Variants in ZNF276 observed in about 807,000 individuals in gnomAD.
The protein encoded by ZNF276 is centromere protein Z.
A neutral mutation model predicts 63.9 loss-of-function variants in ZNF276; 59 were observed. The ratio of observed to expected loss-of-function variants is 0.92; its 90% confidence interval spans 0.75 to 1.15. The LOEUF is 1.15. Among genes scored for constraint, ZNF276 ranks in the 50% most tolerant of loss-of-function variants. The pLI is 0.00. For missense variants in ZNF276, 1,084 were observed against 843.8 expected (o/e 1.28, Z -3.53); for synonymous variants, 496 against 348.4 (o/e 1.42, Z -4.72).
Position 89,739,392 on chromosome 16 carries a change from C to G in ZNF276, c.*1146C>G. The G allele has an allele frequency of 6.3e-7, 1 of 1,576,890 alleles. No individual in the cohort carries two copies. Among genetic ancestry groups the G allele is most frequent in the Non-Finnish European group, 8.6e-7 (1 of 1,157,578 alleles). Reference sequence around the variant, plus strand: ...CTGTGGAGCAGAGGCACAGACAACCCTTCCCATCTGGCGGGACCCAGAGGT... The same window carrying G: ...CTGTGGAGCAGAGGCACAGACAACCGTTCCCATCTGGCGGGACCCAGAGGT... On this transcript the variant is annotated 3_prime_UTR_variant, in exon 11 of 11. Transcript: ENST00000443381.
chr16:89,733,655 AAGGACACTTTGACCT>A, intron 8 of ZNF276, 98 bp downstream of exon 8: 3 of 1,404,700 alleles, frequency 2.1e-6, no homozygotes, highest in Non-Finnish European at 3.0e-6. Flanking sequence ...ACTTGCGCCC[AAGGACACTTTGACCT>A]AGGTTAACCG....
intron 5 of ZNF276, among the ~76,000 whole-genome samples, chr16:89,728,653 C>T (rs1239541619): frequency 2.0e-5 from 3 of 152,322 alleles, no homozygotes; most frequent in East Asian, 3.9e-4. Context: ...CCGCCCGCCT[C>T]TGCCTCCCAA....
In ZNF276 at chr16:89,721,853, C is replaced by G. The variant is rs1293418395; in HGVS notation, c.205+8C>G. On this transcript the variant is annotated splice_region_variant and intron_variant, in intron 1 of 10. Coordinates refer to ENST00000443381, the MANE Select transcript of ZNF276 (RefSeq NM_001113525.2). ...ACGGCGCGGACGAGGCAGGTGGGTC[C>G]GCGGCCCGGGCGTGGCGGGTTGGGG... The G allele has an allele frequency of 3.3e-6, 4 of 1,205,872 alleles. No homozygotes were observed. The African/African-American group carries it at 4.7e-5, about 14-fold the overall frequency. 74.7% of individuals were successfully genotyped at this position (1,205,872 alleles called of 1,614,324 possible).
In ZNF276 at chr16:89,723,483, G is replaced by A. The variant is rs1451867202; in HGVS notation, c.780G>A (p.Lys260=). 1.2e-6 allele frequency: 2 copies of A among 1,613,004 alleles called. No individual in the cohort carries two copies. Among genetic ancestry groups the A allele is most frequent in the Non-Finnish European group, 8.5e-7 (1 of 1,180,030 alleles). Reference sequence around the variant, plus strand: ...TGCTGGACAGTGCGCTGGCAGTCAAGTGGCCATGGGACAAAGAGACGGCGC... The same window carrying A: ...TGCTGGACAGTGCGCTGGCAGTCAAATGGCCATGGGACAAAGAGACGGCGC... The part of the protein sequence containing the change: ...AFLLDSALAV[K]WPWDKETAPR... Residue 260 remains lysine, a synonymous_variant, in exon 4 of 11, where the codon AAG becomes AAA. Coordinates refer to ENST00000443381, the MANE Select transcript of ZNF276 (RefSeq NM_001113525.2).
chr16:89,738,225 G>C lies in ZNF276; in HGVS notation c.1824G>C (p.Ala608=). 6.2e-7 allele frequency: 1 copy of C among 1,606,804 alleles called. No homozygotes were observed. The highest frequency in any genetic ancestry group is 8.5e-7 in the Non-Finnish European group (1 of 1,177,206). ...CCTCTGTGACCACAGAGGGCCAGGC[G>C]GTGAAGCCCGAACCCACCTGAGGAC... ...PSPSVTTEGQ[A]VKPEPT is the part of the protein sequence containing the mutation. The change falls in exon 11 of 11, where the codon GCG becomes GCC. Residue 608 remains alanine (A), a synonymous_variant. Coordinates refer to ENST00000443381, the MANE Select transcript of ZNF276 (RefSeq NM_001113525.2).
chr16:89,739,982 C>T lies in ZNF276; in HGVS notation c.*1736C>T, dbSNP rs534548445. On this transcript the variant is annotated 3_prime_UTR_variant, in exon 11 of 11. Transcript: ENST00000443381. ...GCCCTCCGCATTTGTGCCTCAGCAG[C>T]GTGTTTCTTACCACTCTCTGTCAAC... is the stretch of plus-strand genomic sequence containing the variant. The T allele has an allele frequency of 1.2e-5, 19 of 1,613,658 alleles. 1 individual carries two copies. The South Asian group carries it at 1.3e-4, about 11-fold the overall frequency.
Position 89,739,417 on chromosome 16 carries a change from T to C in ZNF276, c.*1171T>C. 1 of 1,554,878 alleles carries C rather than the reference T, an allele frequency of 6.4e-7. No homozygotes were observed. ...CTTCCCATCTGGCGGGACCCAGAGG[T>C]GCTGAGATGGGGGTCTGGGAAACAC... On this transcript the variant is annotated 3_prime_UTR_variant, in exon 11 of 11. Coordinates refer to ENST00000443381, the MANE Select transcript of ZNF276 (RefSeq NM_001113525.2).
In ZNF276 at chr16:89,739,858, A is replaced by C. The variant is rs764519036; in HGVS notation, c.*1612A>C. The C allele has an allele frequency of 7.2e-6, 11 of 1,531,014 alleles. No individual in the cohort carries two copies. In the South Asian group the frequency reaches 1.4e-4, roughly 20 times the overall value. 94.8% of individuals were successfully genotyped at this position (1,531,014 alleles called of 1,614,324 possible). The stretch of plus-strand genomic sequence containing the variant: ...TATTGCTTTAAACAAGTTTGTGCTT[A>C]ATCTGTCCCAACTAAAATGGAGCTT... On this transcript the variant is annotated 3_prime_UTR_variant, in exon 11 of 11. Transcript: ENST00000443381.
At position 89,733,310 on chromosome 16, in the gene ZNF276, G is replaced by T. The variant is rs752357779; in HGVS notation, c.1178G>T (p.Gly393Val). 3 of 1,613,968 alleles carry T rather than the reference G, an allele frequency of 1.9e-6. No individual in the cohort carries two copies. The highest frequency in any genetic ancestry group is 2.5e-6 in the Non-Finnish European group (3 of 1,179,964). ...FEPYPERKVS[G>V]KKSESKEAKK... ...GAACCTCTTTTTTTCAGAGTCTCTG[G>T]TAAGAAGAGTGAAAGCAAAGAAGCC... is the stretch of plus-strand genomic sequence containing the variant. Residue 393 changes from glycine (G) to valine (V), a missense_variant, in exon 7 of 11, where the codon GGT becomes GTT. Transcript: ENST00000443381.
At position 89,740,198 on chromosome 16, in the gene ZNF276, G is replaced by A. The variant is rs2062093959; in HGVS notation, c.*1952G>A. The A allele has an allele frequency of 1.0e-6, 1 of 976,020 alleles. No homozygotes were observed. Among genetic ancestry groups the A allele is most frequent in the Non-Finnish European group, 1.7e-6 (1 of 600,514 alleles). 60.5% of individuals were successfully genotyped at this position (976,020 alleles called of 1,614,324 possible). On this transcript the variant is annotated 3_prime_UTR_variant, in exon 11 of 11. Transcript: ENST00000443381. ...GCACAGAAGAGGGCATTTCCTCTTT[G>A]CTTATTGTAAGTCTTAAAACTGGTG...
At chr16:89,735,813 C>G (rs979400220) in intron 9 of ZNF276, among the ~76,000 whole-genome samples, 1 of 152,036 alleles carries the variant, frequency 6.6e-6, no homozygotes, top group African/African-American at 2.4e-5. Context: ...CTCCCTAGTT[C>G]AAGCAATTCT....
rs745882980 is a variant in ZNF276, at chr16:89,738,944, G to A, written c.*698G>A. On this transcript the variant is annotated 3_prime_UTR_variant, in exon 11 of 11. Transcript: ENST00000443381. ...GGTATTAACTGCAGCAGAAAAAGAC[G>A]AGCTTTTGTTATCAGTTCCACGGGG... is the stretch of plus-strand genomic sequence containing the variant. 8 of 1,614,136 alleles carry A rather than the reference G, an allele frequency of 5.0e-6. No homozygotes were observed. The highest frequency in any genetic ancestry group is 1.7e-5 in the Admixed American group (1 of 60,012).
In ZNF276 at chr16:89,738,884, C is replaced by G; in HGVS notation, c.*638C>G. 6.2e-7 allele frequency: 1 copy of G among 1,614,264 alleles called. No homozygotes were observed. The highest frequency in any genetic ancestry group is 8.5e-7 in the Non-Finnish European group (1 of 1,180,054). ...CAAGGTGGGCATCTTGACGTTACCT[C>G]TGCCACGTGTGAGAAGCTCTTTTTC... On this transcript the variant is annotated 3_prime_UTR_variant, in exon 11 of 11. Transcript: ENST00000443381.
At chr16:89,725,118 G>T (rs8047788) in intron 4 of ZNF276, among the ~76,000 whole-genome samples, 91,006 of 96,650 alleles carry the variant, frequency 0.94, 43,360 homozygotes, top group East Asian at 1. Flanking sequence ...TTCACCATGT[G>T]GGCCAGGCTT....
chr16:89,735,289 T>TC (rs58523711), intron 9 of ZNF276, among the ~76,000 whole-genome samples: 5,202 of 128,230 alleles, frequency 0.041, 246 homozygotes, highest in African/African-American at 0.13. Context: ...TGGTAAGGGG[T>TC]GGGGGGGGGC....
chr16:89,727,247 T>C, intron 4 of ZNF276, 32 bp from the exon 5 acceptor site: 3 of 1,605,180 alleles, frequency 1.9e-6, no homozygotes, highest in South Asian at 2.2e-5. Context: ...TGCTCCGTGT[T>C]GGTAACAGGA....
chr16:89,721,515 C>A, upstream of ZNF276: 2 of 899,256 alleles, frequency 2.2e-6, no homozygotes, highest in Non-Finnish European at 3.1e-6. Context: ...CCTCGCTTTG[C>A]TTCTCGCTCC....
At position 89,738,292 on chromosome 16, in the gene ZNF276, T is replaced by G. The variant is rs56346328; in HGVS notation, c.*46T>G. The G allele has an allele frequency of 1.9e-6, 3 of 1,544,976 alleles. No homozygotes were observed. In the East Asian group the frequency reaches 7.3e-5, roughly 38 times the overall value. On this transcript the variant is annotated 3_prime_UTR_variant, in exon 11 of 11. Coordinates refer to ENST00000443381, the MANE Select transcript of ZNF276 (RefSeq NM_001113525.2). ...ACCTCTAGCAGCCTGGACTCCGCAG[T>G]GGCTGTGTCAGCCTCACCCTTCGTG...
chr16:89,734,065 G>A lies in ZNF276; in HGVS notation c.1474+27G>A, dbSNP rs201259534. 7.0e-4 allele frequency: 1,117 copies of A among 1,604,544 alleles called. 1 individual carries two copies. The highest frequency in any genetic ancestry group is 2.3e-3 in the South Asian group (212 of 90,788). On this transcript the variant is annotated intron_variant, in intron 9 of 10. Coordinates refer to ENST00000443381, the MANE Select transcript of ZNF276 (RefSeq NM_001113525.2). ...TACGCCTATCGCCAGTGTCGCCCACGCGGGTGACAGCCAGGGGCACGTGAC... is the reference window on the plus strand; with the variant it reads ...TACGCCTATCGCCAGTGTCGCCCACACGGGTGACAGCCAGGGGCACGTGAC...
Sources: allele counts gnomAD v4.1 joint callset (sites outside exome capture counted in the v4.1 genomes callset), GRCh38; gene constraint gnomAD v4.1.1; transcripts MANE v1.5; gene names NCBI Gene and HGNC (gene_info 2026-07-23, HGNC 2026-07-21).